Variants in ALK observed in about 807,000 individuals in gnomAD.
ALK encodes ALK tyrosine kinase receptor.
A neutral mutation model predicts 163.1 loss-of-function variants in ALK; 74 were observed. The observed-to-expected ratio is 0.45, with a 90% CI of 0.38 to 0.55. The LOEUF (loss-of-function observed/expected upper bound fraction) is 0.55, where lower values mean the gene tolerates loss of function less well. ALK is among the 20% of genes least tolerant of loss of function. The pLI is 0.00. For missense variants in ALK, 2,063 were observed against 2,105.3 expected (o/e 0.98, Z 0.39); for synonymous variants, 960 against 843.2 (o/e 1.14, Z -2.40).
At chr2:29,432,399 T>TGTAA in intron 4 of ALK, among the ~76,000 whole-genome samples, 1 of 152,296 alleles carries the variant, frequency 6.6e-6, no homozygotes, top group Non-Finnish European at 1.5e-5. Flanking sequence ...CTGCTATGAC[T>TGTAA]GTAAGCTTCC....
At position 29,920,596 on chromosome 2, in the gene ALK, C is replaced by T. The variant is rs1667970184; in HGVS notation, c.64G>A (p.Gly22Arg). The T allele has an allele frequency of 1.9e-6, 3 of 1,565,766 alleles. No homozygotes were observed. The highest frequency in any genetic ancestry group is 1.4e-5 in the African/African-American group (1 of 73,994). The change falls in exon 1 of 29, where the codon GGG (glycine) becomes AGG (arginine). Residue 22 changes from glycine to arginine, a missense_variant. Physicochemically the swap from Gly to Arg is moderately radical, Grantham distance 125. Transcript: ENST00000389048. ...LLLSTAAVGSGMGTGQRAGSP... is the reference protein window; with the variant it reads ...LLLSTAAVGSRMGTGQRAGSP... ...CCCGCGCGCTGGCCGGTCCCCATCC[C>T]GGAGCCCACAGCTGCCGTGGAAAGC...
chr2:29,642,422 G>A (rs913439779), intron 3 of ALK, among the ~76,000 whole-genome samples: 7 of 152,084 alleles, frequency 4.6e-5, no homozygotes, highest in Admixed American at 2.6e-4. Flanking sequence ...AAAAGAAGCC[G>A]AATCAGCAAA....
At chr2:29,348,052 C>G (rs548546519) in intron 5 of ALK, among the ~76,000 whole-genome samples, 166 of 152,248 alleles carry the variant, frequency 1.1e-3, no homozygotes, top group African/African-American at 3.9e-3. Context: ...AAAACCTTTC[C>G]CATCAACTTG....
At chr2:29,814,608 C>A (rs766226561) in intron 1 of ALK, among the ~76,000 whole-genome samples, 1 of 151,366 alleles carries the variant, frequency 6.6e-6, no homozygotes, top group South Asian at 2.1e-4. Flanking sequence ...TGCAGTGAGC[C>A]AAGATCGCAC....
intron 5 of ALK, among the ~76,000 whole-genome samples, chr2:29,359,196 G>A (rs1425991628): frequency 6.6e-6 from 1 of 152,162 alleles, no homozygotes; most frequent in East Asian, 1.9e-4. Context: ...AACTAACACT[G>A]CAGCATCCAC....
chr2:29,906,079 A>G (rs1193190509), intron 1 of ALK, among the ~76,000 whole-genome samples: 1 of 152,132 alleles, frequency 6.6e-6, no homozygotes. Flanking sequence ...GTCAGATCAC[A>G]GGAGCAGAAT....
intron 3 of ALK, among the ~76,000 whole-genome samples, chr2:29,536,920 A>G (rs867771493): frequency 2.0e-5 from 3 of 152,230 alleles, no homozygotes; most frequent in African/African-American, 7.2e-5. Context: ...TGAACTTAAG[A>G]GTGATAACTT....
At chr2:29,858,262 A>C (rs2148405089) in intron 1 of ALK, among the ~76,000 whole-genome samples, 1 of 152,186 alleles carries the variant, frequency 6.6e-6, no homozygotes, top group Middle Eastern at 3.4e-3. Context: ...CCACTTCTAT[A>C]ATCTTGTCAT....
intron 8 of ALK, among the ~76,000 whole-genome samples, chr2:29,305,922 T>C (rs1666496661): frequency 6.6e-6 from 1 of 152,192 alleles, no homozygotes; most frequent in Admixed American, 6.5e-5. Context: ...CTCGCACTTC[T>C]ATGAGAATCT....
rs1202359528 is a variant in ALK at position 29,246,958 on chromosome 2, C to T, written c.2204+4147G>A. ...TCCAGCCTCGGCTCCCCGAGGCCAG[C>T]CTTGCCCGACTTCTCATCGGCAGTA... is the stretch of plus-strand genomic sequence containing the variant. On this transcript the variant is annotated intron_variant, in intron 12 of 28. Transcript: ENST00000389048. The surrounding 1 kb of genome is among the most constrained non-coding windows in gnomAD (Gnocchi z 4.3). Among the ~76,000 whole-genome samples the T allele has an allele frequency of 6.6e-6, 1 of 152,222 alleles. No homozygotes were observed. Among genetic ancestry groups the T allele is most frequent in the African/African-American group, 2.4e-5 (1 of 41,450 alleles).
chr2:29,758,002 C>T (rs1241194390), intron 1 of ALK, among the ~76,000 whole-genome samples: 1 of 146,898 alleles, frequency 6.8e-6, no homozygotes, highest in Admixed American at 6.7e-5. Flanking sequence ...TTACCCGCAT[C>T]CTCTTTTTTT....
chr2:29,418,091 GC>G (rs1432199649), intron 4 of ALK, among the ~76,000 whole-genome samples: 3 of 152,166 alleles, frequency 2.0e-5, no homozygotes, highest in Non-Finnish European at 4.4e-5. Flanking sequence ...TAAGAAGTTT[GC>G]TTTTACTAAT....
At chr2:29,431,418 G>A (rs1050059315) in intron 4 of ALK, among the ~76,000 whole-genome samples, 87 of 152,102 alleles carry the variant, frequency 5.7e-4, no homozygotes, top group African/African-American at 1.9e-3. Flanking sequence ...CAACTGATTC[G>A]AATTTTAGCT....
intron 4 of ALK, among the ~76,000 whole-genome samples, chr2:29,400,216 A>G (rs1322756437): frequency 6.6e-6 from 1 of 152,224 alleles, no homozygotes; most frequent in Non-Finnish European, 1.5e-5. Context: ...GCATGCGCAT[A>G]TACTCCTGTC....
At chr2:29,455,516 C>T (rs995117891) in intron 4 of ALK, among the ~76,000 whole-genome samples, 1 of 152,122 alleles carries the variant, frequency 6.6e-6, no homozygotes. Context: ...TCTTTTTTCC[C>T]TCCGTCTTCT....
chr2:29,780,650 G>A (rs746323568), intron 1 of ALK, among the ~76,000 whole-genome samples: 13 of 152,218 alleles, frequency 8.5e-5, no homozygotes, highest in Admixed American at 4.6e-4. Flanking sequence ...AGGGATATCT[G>A]AGCAGCGCCC....
At chr2:29,710,057 G>A (rs1679028860) in intron 2 of ALK, among the ~76,000 whole-genome samples, 1 of 152,056 alleles carries the variant, frequency 6.6e-6, no homozygotes, top group African/African-American at 2.4e-5. Context: ...TGAATCATGG[G>A]GGCAGGTCTT....
At chr2:29,416,363 A>C (rs1291140357) in intron 4 of ALK, among the ~76,000 whole-genome samples, 1 of 152,192 alleles carries the variant, frequency 6.6e-6, no homozygotes, top group Non-Finnish European at 1.5e-5. Context: ...TTGCAGGAGA[A>C]CCATCTTTTA....
chr2:29,222,948 A>G (rs539897306), intron 20 of ALK, among the ~76,000 whole-genome samples: 9 of 152,178 alleles, frequency 5.9e-5, no homozygotes, highest in Non-Finnish European at 1.3e-4. Context: ...CTCCTTGGGG[A>G]GAGACAGATC....
Sources: allele counts gnomAD v4.1 joint callset (sites outside exome capture counted in the v4.1 genomes callset), GRCh38; gene constraint gnomAD v4.1.1; non-coding constraint Gnocchi (gnomAD v3.1); transcripts MANE v1.5; gene names NCBI Gene and HGNC (gene_info 2026-07-23, HGNC 2026-07-21).